SPACA7: variants seen among roughly 807,000 people sequenced by gnomAD.
SPACA7 encodes sperm acrosome-associated protein 7.
Under a neutral mutation model 26.3 loss-of-function variants are expected in SPACA7, and 19 were observed. That is an observed-to-expected ratio of 0.72 (90% CI 0.50 to 1.06). SPACA7 has a LOEUF of 1.06. Among genes scored for constraint, SPACA7 ranks in the 50% least tolerant of loss-of-function variants. The pLI is 0.00. For synonymous variants in SPACA7, 84 were observed against 84.5 expected, an observed-to-expected ratio of 0.99 and a Z score of 0.04; for missense variants, 211 against 229.9, an observed-to-expected ratio of 0.92 and a Z score of 0.53.
intron 1 of SPACA7, among the ~76,000 whole-genome samples, chr13:112,389,709 A>C (rs1928940): frequency 6.6e-6 from 1 of 152,102 alleles, no homozygotes; most frequent in Non-Finnish European, 1.5e-5. Context: ...ACATGAAAAC[A>C]GTGATTGTAT....
At chr13:112,419,620 C>T (rs1319305852) in intron 5 of SPACA7, among the ~76,000 whole-genome samples, 1 of 152,186 alleles carries the variant, frequency 6.6e-6, no homozygotes. Flanking sequence ...ACCTTGGGGC[C>T]AGGATCCTTC....
At chr13:112,425,968 C>T (rs188632959) in intron 5 of SPACA7, among the ~76,000 whole-genome samples, 4 of 152,340 alleles carry the variant, frequency 2.6e-5, no homozygotes, top group Non-Finnish European at 2.9e-5. Flanking sequence ...CCCATGCAGG[C>T]ACATGTCACT....
At chr13:112,406,803 G>A (rs753647290) in intron 5 of SPACA7, among the ~76,000 whole-genome samples, 18 of 152,080 alleles carry the variant, frequency 1.2e-4, no homozygotes, top group Admixed American at 2.0e-4. Context: ...TGTTTCTTCA[G>A]GAGATAAATA....
chr13:112,398,807 T>C (rs1248858989), intron 3 of SPACA7, among the ~76,000 whole-genome samples: 1 of 152,208 alleles, frequency 6.6e-6, no homozygotes, highest in Non-Finnish European at 1.5e-5. Flanking sequence ...TCTTGAAATC[T>C]TGCACCCAGA....
chr13:112,407,914 A>C (rs948107541), intron 5 of SPACA7, among the ~76,000 whole-genome samples: 3 of 152,018 alleles, frequency 2.0e-5, no homozygotes, highest in Non-Finnish European at 4.4e-5. Context: ...GAGACACAAC[A>C]AAAAAAGGGA....
intron 5 of SPACA7, among the ~76,000 whole-genome samples, chr13:112,428,641 G>A (rs1029422466): frequency 7.2e-5 from 11 of 152,162 alleles, no homozygotes; most frequent in African/African-American, 2.4e-4. Flanking sequence ...CAGATATTTG[G>A]AGGTTTTTTC....
chr13:112,420,753 G>GAC (rs1173855983), intron 5 of SPACA7, among the ~76,000 whole-genome samples: 1 of 151,766 alleles, frequency 6.6e-6, no homozygotes, highest in Non-Finnish European at 1.5e-5. Context: ...TAAACACAGA[G>GAC]ACACACACAC....
In SPACA7 at chr13:112,419,437, C is replaced by T. The variant is rs202181476; in HGVS notation, c.446-13007C>T. 6.6e-5 allele frequency among the ~76,000 whole-genome samples: 10 copies of T among 152,280 alleles called. No homozygotes were observed. The East Asian group carries it at 1.9e-3, about 29-fold the overall frequency. On this transcript the variant is annotated intron_variant, in intron 5 of 6. Transcript: ENST00000283550. The stretch of plus-strand genomic sequence containing the variant: ...GCATGTAGGGAATGATCACCCACAG[C>T]TGGGGACAGACAGGTGACCCCTCCC...
At chr13:112,412,084 T>C (rs1277458652) in intron 5 of SPACA7, among the ~76,000 whole-genome samples, 2 of 152,104 alleles carry the variant, frequency 1.3e-5, no homozygotes, top group African/African-American at 4.8e-5. Context: ...GTACAAGGAT[T>C]CCCCCTTTTT....
At position 112,424,086 on chromosome 13, in the gene SPACA7, G is replaced by A. The variant is rs1463214030; in HGVS notation, c.446-8358G>A. 2.0e-5 allele frequency among the ~76,000 whole-genome samples: 3 copies of A among 152,170 alleles called. No individual in the cohort carries two copies. The East Asian group carries it at 5.8e-4, about 29-fold the overall frequency. ...GGAGAAGCAAGATGCAGGAGGCAGG[G>A]GTGAACAAAAGCCTGATAAATACGG... On this transcript the variant is annotated intron_variant, in intron 5 of 6. Transcript: ENST00000283550.
At chr13:112,410,827 G>A (rs1886301056) in intron 5 of SPACA7, among the ~76,000 whole-genome samples, 1 of 152,082 alleles carries the variant, frequency 6.6e-6, no homozygotes, top group South Asian at 2.1e-4. Context: ...CTGAAAGCAG[G>A]GTTTTGAAGA....
At chr13:112,398,185 T>C in intron 3 of SPACA7, 47 bp downstream of exon 3, 1 of 1,416,754 alleles carries the variant, frequency 7.1e-7, no homozygotes, top group Non-Finnish European at 1.0e-6. Flanking sequence ...CTAATTGCCC[T>C]TATTCCTGGA....
intron 1 of SPACA7, among the ~76,000 whole-genome samples, chr13:112,390,392 C>A (rs987340566): frequency 6.6e-6 from 1 of 152,120 alleles, no homozygotes; most frequent in Admixed American, 6.5e-5. Context: ...ACGGAAGAAC[C>A]TTGCCCACGT....
intron 2 of SPACA7, among the ~76,000 whole-genome samples, chr13:112,394,925 C>T (rs1885139943): frequency 6.6e-6 from 1 of 152,206 alleles, no homozygotes; most frequent in South Asian, 2.1e-4. Context: ...CTCTTACCCC[C>T]ATCCACACCC....
At chr13:112,414,205 C>A (rs1309074539) in intron 5 of SPACA7, among the ~76,000 whole-genome samples, 2 of 152,060 alleles carry the variant, frequency 1.3e-5, no homozygotes, top group African/African-American at 2.4e-5. Flanking sequence ...AACATTCAAA[C>A]TATATCAGCC....
chr13:112,408,175 A>G (rs1201129444), intron 5 of SPACA7, among the ~76,000 whole-genome samples: 2 of 152,250 alleles, frequency 1.3e-5, no homozygotes, highest in African/African-American at 2.4e-5. Flanking sequence ...ACAGCCTTTC[A>G]TGCTAAAAAC....
At chr13:112,397,017 T>A (rs1415154671) in intron 2 of SPACA7, among the ~76,000 whole-genome samples, 1 of 152,190 alleles carries the variant, frequency 6.6e-6, no homozygotes, top group Admixed American at 6.5e-5. Context: ...CCCACCCGGC[T>A]GCAGGGGGCC....
intron 5 of SPACA7, among the ~76,000 whole-genome samples, chr13:112,432,212 C>T (rs1877217781): frequency 1.3e-5 from 2 of 152,188 alleles, no homozygotes; most frequent in South Asian, 4.1e-4. Flanking sequence ...ATGTAGGACT[C>T]CACGCATTGC....
At chr13:112,423,163 T>C (rs1471132875) in intron 5 of SPACA7, among the ~76,000 whole-genome samples, 4 of 152,124 alleles carry the variant, frequency 2.6e-5, no homozygotes, top group Admixed American at 1.3e-4. Context: ...AGATATTTCA[T>C]GGTAAAGGTA....
Sources: allele counts gnomAD v4.1 joint callset (sites outside exome capture counted in the v4.1 genomes callset), GRCh38; gene constraint gnomAD v4.1.1; transcripts MANE v1.5; gene names NCBI Gene and HGNC (gene_info 2026-07-23, HGNC 2026-07-21).